The following NRXN3 variants were observed in gnomAD, a reference collection of about 807,000 sequenced individuals.
The protein encoded by NRXN3 is neurexin III.
In NRXN3, 32 loss-of-function variants were observed where a neutral mutation model predicts 137.6. The ratio of observed to expected loss-of-function variants is 0.23; its 90% CI spans 0.18 to 0.31. NRXN3 has a LOEUF of 0.31. Among genes scored for constraint, NRXN3 ranks in the 10% least tolerant of loss-of-function variants. NRXN3 has a pLI of 1.00. For synonymous variants in NRXN3, 798 were observed against 784.5 expected, an observed-to-expected ratio of 1.02 and a Z score of -0.29; for missense variants, 1,574 against 2,062.5, an observed-to-expected ratio of 0.76 and a Z score of 4.59.
At chr14:79,700,722 G>A (rs2098751604) in intron 19 of NRXN3, among the ~76,000 whole-genome samples, 1 of 152,048 alleles carries the variant, frequency 6.6e-6, no homozygotes, top group South Asian at 2.1e-4. Flanking sequence ...GAGTTGGTAT[G>A]TCTGTCTAGT....
At chr14:79,433,462 C>T (rs945393858) in intron 15 of NRXN3, among the ~76,000 whole-genome samples, 2 of 152,126 alleles carry the variant, frequency 1.3e-5, no homozygotes, top group Non-Finnish European at 2.9e-5. Flanking sequence ...AGCATTCTCT[C>T]TACCTTAGTG....
At position 79,330,993 on chromosome 14, in the gene NRXN3, C is replaced by T. The variant is rs115989136; in HGVS notation, c.3263-136228C>T. Reference sequence around the variant, plus strand: ...AAATGAAACTTTTATTTTGGCTAAACGAGTATGGTGTCCTGGTCCTTTCCC... The same window carrying T: ...AAATGAAACTTTTATTTTGGCTAAATGAGTATGGTGTCCTGGTCCTTTCCC... On this transcript the variant is annotated intron_variant, in intron 15 of 20. Coordinates refer to ENST00000335750, the MANE Select transcript of NRXN3 (RefSeq NM_001330195.2). 3.7e-3 allele frequency among the ~76,000 whole-genome samples: 563 copies of T among 152,162 alleles called. 2 individuals are homozygous for T. The highest frequency in any genetic ancestry group is 0.012 in the African/African-American group (519 of 41,522).
intron 10 of NRXN3, among the ~76,000 whole-genome samples, chr14:78,864,485 T>C (rs937784973): frequency 6.6e-6 from 1 of 152,146 alleles, no homozygotes; most frequent in Non-Finnish European, 1.5e-5. Context: ...ATTATTGTCA[T>C]TAACTTATCC....
At chr14:78,216,921 G>T (rs575450442) in intron 1 of NRXN3, among the ~76,000 whole-genome samples, 2 of 152,104 alleles carry the variant, frequency 1.3e-5, no homozygotes, top group African/African-American at 4.8e-5. Context: ...CTGTGTCTCT[G>T]TGTCCACATC....
chr14:78,397,994 C>A (rs1027404437), intron 4 of NRXN3, among the ~76,000 whole-genome samples: 2 of 150,918 alleles, frequency 1.3e-5, no homozygotes. Context: ...GTGGGCAGAT[C>A]ACCTGAGGTC....
At chr14:79,855,031 C>T (rs2099399665) in intron 20 of NRXN3, among the ~76,000 whole-genome samples, 1 of 152,158 alleles carries the variant, frequency 6.6e-6, no homozygotes, top group Admixed American at 6.5e-5. Context: ...TCCCTCTTTC[C>T]TTTGTCTCTT....
chr14:78,362,772 T>C (rs548301602), intron 4 of NRXN3, among the ~76,000 whole-genome samples: 2 of 152,304 alleles, frequency 1.3e-5, no homozygotes, highest in Non-Finnish European at 2.9e-5. Context: ...TTGGACTTGG[T>C]AAGCAGCTTT....
chr14:79,095,885 A>G (rs2050220429), intron 15 of NRXN3, among the ~76,000 whole-genome samples: 1 of 152,156 alleles, frequency 6.6e-6, no homozygotes, highest in African/African-American at 2.4e-5. Flanking sequence ...CTGGAAACCT[A>G]TATATGAGTA....
intron 4 of NRXN3, among the ~76,000 whole-genome samples, chr14:78,616,553 A>C (rs189431239): frequency 6.6e-6 from 1 of 152,280 alleles, no homozygotes; most frequent in Admixed American, 6.5e-5. Context: ...TCTTTGTTTG[A>C]GGGCCGTCTC....
At chr14:78,825,827 A>G (rs2098965070) in intron 10 of NRXN3, among the ~76,000 whole-genome samples, 1 of 152,228 alleles carries the variant, frequency 6.6e-6, no homozygotes, top group African/African-American at 2.4e-5. Context: ...CATCTCATGT[A>G]AAATAAATTC....
intron 10 of NRXN3, among the ~76,000 whole-genome samples, chr14:78,814,282 T>C (rs1290362898): frequency 1.3e-5 from 2 of 152,218 alleles, no homozygotes; most frequent in Non-Finnish European, 2.9e-5. Context: ...GCAGCCATCA[T>C]GGCGAATTGA....
chr14:78,518,646 C>G (rs578173870), intron 4 of NRXN3, among the ~76,000 whole-genome samples: 22 of 152,214 alleles, frequency 1.4e-4, no homozygotes, highest in African/African-American at 5.3e-4. Flanking sequence ...CATATGGGAG[C>G]AGGCTTTACC....
intron 10 of NRXN3, among the ~76,000 whole-genome samples, chr14:78,946,509 G>C (rs1372542689): frequency 6.6e-6 from 1 of 152,014 alleles, no homozygotes; most frequent in African/African-American, 2.4e-5. Flanking sequence ...TTTCATCTTC[G>C]CACCCCAGAA....
At chr14:78,233,093 C>G (rs1217936447) in intron 1 of NRXN3, among the ~76,000 whole-genome samples, 1 of 152,150 alleles carries the variant, frequency 6.6e-6, no homozygotes, top group Admixed American at 6.5e-5. Context: ...GAGACTGTTG[C>G]CATGAGTTGC....
intron 16 of NRXN3, among the ~76,000 whole-genome samples, chr14:79,579,351 T>TATATATATATATATATAATATATTTC (rs2097693906): frequency 4.3e-5 from 3 of 69,250 alleles, no homozygotes; most frequent in African/African-American, 2.5e-4. Flanking sequence ...ATATATTTCA[T>TATATATATATATATATAATATATTTC]ATATATATAT....
chr14:78,798,518 G>A (rs2098829078), intron 8 of NRXN3, among the ~76,000 whole-genome samples: 1 of 152,168 alleles, frequency 6.6e-6, no homozygotes, highest in African/African-American at 2.4e-5. Flanking sequence ...GCTTTTCTAG[G>A]TGCACAGTGC....
chr14:79,004,442 C>T (rs532044771), intron 15 of NRXN3, among the ~76,000 whole-genome samples: 54 of 152,162 alleles, frequency 3.5e-4, no homozygotes, highest in Non-Finnish European at 7.3e-4. Context: ...ATGAGTTTCA[C>T]CATATTGCCC....
intron 15 of NRXN3, among the ~76,000 whole-genome samples, chr14:79,188,363 GT>G (rs34093462): frequency 0.036 from 5,414 of 150,874 alleles, 231 homozygotes; most frequent in East Asian, 0.22. Flanking sequence ...GAAAATTTGT[GT>G]TGCTGCTAGC....
intron 4 of NRXN3, among the ~76,000 whole-genome samples, chr14:78,307,073 A>G (rs2077442138): frequency 6.6e-6 from 1 of 152,302 alleles, no homozygotes; most frequent in South Asian, 2.1e-4. Context: ...CAGAATCAGA[A>G]AAGAAAATGT....
Sources: allele counts gnomAD v4.1 joint callset (sites outside exome capture counted in the v4.1 genomes callset), GRCh38; gene constraint gnomAD v4.1.1; transcripts MANE v1.5; gene names NCBI Gene and HGNC (gene_info 2026-07-23, HGNC 2026-07-21).